PHLPP1: variants seen among roughly 807,000 people sequenced by gnomAD.
PHLPP1 encodes the protein PH domain and leucine rich repeat protein phosphatase 1, also known as PH domain leucine-rich repeat-containing protein phosphatase 1.
In PHLPP1, 42 loss-of-function variants were observed where a neutral mutation model predicts 117.2. The ratio of observed to expected loss-of-function variants is 0.36; its 90% CI spans 0.28 to 0.46. PHLPP1 has a LOEUF of 0.46. PHLPP1 is among the 20% of genes least tolerant of loss of function. The probability of loss-of-function intolerance (pLI) is 1.00; values close to 1 mark genes in which losing one functional copy is unlikely to be tolerated. For missense variants in PHLPP1, 2,084 were observed against 2,241.9 expected (o/e 0.93, Z 1.42); for synonymous variants, 1,042 against 970.7 (o/e 1.07, Z -1.37).
At chr18:62,783,329 G>A (rs1913178603) in intron 1 of PHLPP1, among the ~76,000 whole-genome samples, 3 of 149,936 alleles carry the variant, frequency 2.0e-5, no homozygotes, top group South Asian at 2.1e-4. Context: ...CTGGGTTCAC[G>A]CCATTCACCT....
intron 10 of PHLPP1, among the ~76,000 whole-genome samples, chr18:62,922,990 G>A (rs1414001928): frequency 2.0e-5 from 3 of 152,170 alleles, no homozygotes; most frequent in Non-Finnish European, 4.4e-5. Context: ...TTCCCAAACG[G>A]TACCTGTATG....
intron 4 of PHLPP1, among the ~76,000 whole-genome samples, chr18:62,881,741 G>T (rs956326750): frequency 2.0e-5 from 3 of 152,170 alleles, no homozygotes; most frequent in Non-Finnish European, 2.9e-5. Context: ...TGGAACAGAA[G>T]GGCATACGTA....
chr18:62,843,120 A>G (rs375148477), intron 3 of PHLPP1: 9 of 152,326 alleles, frequency 5.9e-5, no homozygotes, highest in Middle Eastern at 3.4e-3. Context: ...CACTGTTACT[A>G]TGGAAATGTT....
intron 1 of PHLPP1, among the ~76,000 whole-genome samples, chr18:62,790,181 TGTCA>T (rs1913415937): frequency 6.6e-6 from 1 of 152,142 alleles, no homozygotes; most frequent in Non-Finnish European, 1.5e-5. Flanking sequence ...AGTGTTTGGT[TGTCA>T]GTCAGCGATC....
chr18:62,822,848 A>G (rs1356064470), intron 1 of PHLPP1, among the ~76,000 whole-genome samples: 1 of 152,216 alleles, frequency 6.6e-6, no homozygotes. Context: ...CAATAAATTG[A>G]CCTATATAAC....
chr18:62,847,657 G>A (rs1375408689), intron 3 of PHLPP1, among the ~76,000 whole-genome samples: 1 of 152,090 alleles, frequency 6.6e-6, no homozygotes, highest in African/African-American at 2.4e-5. Flanking sequence ...TAAAATAATT[G>A]TGCTACCAGT....
intron 1 of PHLPP1, among the ~76,000 whole-genome samples, chr18:62,789,626 C>T (rs767706931): frequency 6.6e-6 from 1 of 151,960 alleles, no homozygotes; most frequent in Non-Finnish European, 1.5e-5. Context: ...CCTTCTGCAC[C>T]CTGATGCCTA....
chr18:62,786,764 C>T (rs1913299752), intron 1 of PHLPP1, among the ~76,000 whole-genome samples: 1 of 152,188 alleles, frequency 6.6e-6, no homozygotes, highest in Non-Finnish European at 1.5e-5. Context: ...ACAGTCTGCT[C>T]TGTGAACTGC....
chr18:62,899,548 T>C (rs1157436878), intron 6 of PHLPP1, among the ~76,000 whole-genome samples: 1 of 152,242 alleles, frequency 6.6e-6, no homozygotes, highest in East Asian at 1.9e-4. Flanking sequence ...TTATACATCA[T>C]TCGTGGCACT....
chr18:62,804,292 A>AT (rs1322635983), intron 1 of PHLPP1, among the ~76,000 whole-genome samples: 4 of 152,136 alleles, frequency 2.6e-5, no homozygotes, highest in Non-Finnish European at 1.5e-5. Context: ...CTCCCCTGAC[A>AT]CGTAAGGGTT....
chr18:62,808,491 C>T (rs1914015922), intron 1 of PHLPP1, among the ~76,000 whole-genome samples: 1 of 151,680 alleles, frequency 6.6e-6, no homozygotes, highest in Non-Finnish European at 1.5e-5. Context: ...TTTAATAGTT[C>T]TCTTATGCTA....
intron 7 of PHLPP1, among the ~76,000 whole-genome samples, chr18:62,903,426 GGAAGAGA>G (rs199890272): frequency 0.018 from 2,739 of 152,174 alleles, 63 homozygotes; most frequent in African/African-American, 0.062. Flanking sequence ...TCTGCTTAAA[GGAAGAGA>G]GAAAAGTGAA....
chr18:62,946,657 G>A (rs763303959), intron 12 of PHLPP1, among the ~76,000 whole-genome samples: 7 of 152,194 alleles, frequency 4.6e-5, no homozygotes, highest in Non-Finnish European at 1.0e-4. Flanking sequence ...GTGTGTGTGC[G>A]CACGCATGTG....
intron 4 of PHLPP1, among the ~76,000 whole-genome samples, chr18:62,861,153 A>G (rs1202579970): frequency 6.6e-6 from 1 of 152,084 alleles, no homozygotes; most frequent in African/African-American, 2.4e-5. Context: ...GCTCTGTCTC[A>G]GGCTGGAGTG....
At chr18:62,942,145 A>G (rs187956811) in intron 11 of PHLPP1, among the ~76,000 whole-genome samples, 3 of 152,292 alleles carry the variant, frequency 2.0e-5, no homozygotes, top group Non-Finnish European at 4.4e-5. Context: ...TGTTCTTAAG[A>G]TTTTGAAATA....
rs772295559 is a variant in PHLPP1, at chr18:62,717,057, C to A, written c.1374C>A (p.Thr458=). 1.3e-6 allele frequency: 2 copies of A among 1,546,530 alleles called. No individual in the cohort carries two copies. The highest frequency in any genetic ancestry group is 1.7e-6 in the Non-Finnish European group (2 of 1,146,308). Residue 458 remains threonine (T), a synonymous_variant, in exon 1 of 17, where the codon ACC becomes ACA. Transcript: ENST00000262719. ...LQSTPGRSGV[T]AEKAPPPPPP... The stretch of plus-strand genomic sequence containing the variant: ...CTACCCCCGGGAGGAGCGGGGTGAC[C>A]GCGGAGAAGGCGCCTCCGCCGCCCC...
chr18:62,716,206 A>G lies in PHLPP1; in HGVS notation c.523A>G (p.Lys175Glu). 6.5e-7 allele frequency: 1 copy of G among 1,527,426 alleles called. No individual in the cohort carries two copies. The highest frequency in any genetic ancestry group is 8.7e-7 in the Non-Finnish European group (1 of 1,143,084). The allele number at this position is 1,527,426 out of a possible 1,614,324, so 94.6% of individuals were successfully genotyped here. A position where few individuals can be genotyped will look rare whatever the true frequency, so the allele number is the denominator to read the frequency against. Residue 175 changes from lysine to glutamate, a missense_variant, in exon 1 of 17, where the codon AAG becomes GAG. Physicochemically the swap from Lys to Glu is moderately conservative, Grantham distance 56. Around this residue, in one of 2 missense-constraint regions of PHLPP1, gnomAD observed 719 missense variants for 636.0 expected, o/e 1.13. Coordinates refer to ENST00000262719, the MANE Select transcript of PHLPP1 (RefSeq NM_194449.4). The surrounding 1 kb of genome is among the most constrained non-coding windows in gnomAD (Gnocchi z 5.7). Reference sequence around the variant, plus strand: ...GCTGTGCACCCGGAGCCTGGACAGGAAGACGCTGCTTCTGAAGCACCGGCA... The same window carrying G: ...GCTGTGCACCCGGAGCCTGGACAGGGAGACGCTGCTTCTGAAGCACCGGCA... The part of the protein sequence containing the change: ...ASLCTRSLDR[K>E]TLLLKHRQTL...
chr18:62,948,672 AT>A (rs779742343), intron 12 of PHLPP1, among the ~76,000 whole-genome samples: 2,552 of 142,084 alleles, frequency 0.018, 43 homozygotes, highest in African/African-American at 0.05. Context: ...TGTTGTTGGG[AT>A]TTTTTTTTTT....
chr18:62,888,441 C>T (rs1279919900), intron 4 of PHLPP1, among the ~76,000 whole-genome samples: 1 of 151,916 alleles, frequency 6.6e-6, no homozygotes, highest in African/African-American at 2.4e-5. Context: ...TCACTCACAC[C>T]TGTAATCCCA....
Sources: allele counts gnomAD v4.1 joint callset (sites outside exome capture counted in the v4.1 genomes callset), GRCh38; gene constraint gnomAD v4.1.1; regional missense constraint gnomAD v4.1.1; non-coding constraint Gnocchi (gnomAD v3.1); transcripts MANE v1.5; gene names NCBI Gene and HGNC (gene_info 2026-07-23, HGNC 2026-07-21).